Variants in PBX1 observed in about 807,000 individuals in gnomAD.
PBX1 encodes the protein pre-B-cell leukemia transcription factor 1.
PBX1 carries 6 observed loss-of-function variants against 53.4 expected under a neutral mutation model. The observed-to-expected ratio is 0.11, with a 90% CI of 0.06 to 0.22. The LOEUF (loss-of-function observed/expected upper bound fraction) is 0.22. Among genes scored for constraint, PBX1 ranks in the 10% least tolerant of loss-of-function variants. The pLI is 1.00. For synonymous variants in PBX1, 204 were observed against 212.3 expected (o/e 0.96, Z 0.34); for missense variants, 251 against 551.4 (o/e 0.46, Z 5.46).
intron 2 of PBX1, among the ~76,000 whole-genome samples, chr1:164,649,926 G>A (rs1659687069): frequency 6.6e-6 from 1 of 151,908 alleles, no homozygotes; most frequent in Admixed American, 6.6e-5. Flanking sequence ...TGCTTGAGAA[G>A]TCCATGGCCA....
intron 2 of PBX1, among the ~76,000 whole-genome samples, chr1:164,589,064 A>G (rs998202201): frequency 1.3e-5 from 2 of 152,146 alleles, no homozygotes; most frequent in African/African-American, 4.8e-5. Flanking sequence ...AAAGTGGCGC[A>G]GACCTTTTCC....
At chr1:164,710,939 C>A (rs1663730352) in intron 2 of PBX1, among the ~76,000 whole-genome samples, 1 of 152,218 alleles carries the variant, frequency 6.6e-6, no homozygotes, top group African/African-American at 2.4e-5. Context: ...GTTGTTGACC[C>A]CATCTGGCCA....
chr1:164,631,531 A>T (rs1338003616), intron 2 of PBX1, among the ~76,000 whole-genome samples: 6 of 152,210 alleles, frequency 3.9e-5, no homozygotes, highest in Admixed American at 3.3e-4. Context: ...TGACAAGTCC[A>T]CTTACTTAAT....
intron 2 of PBX1, among the ~76,000 whole-genome samples, chr1:164,668,673 G>A (rs969143215): frequency 1.4e-4 from 22 of 152,174 alleles, no homozygotes; most frequent in Admixed American, 1.4e-3. Flanking sequence ...TTCCCCAGGC[G>A]CAGCCAACAC....
At chr1:164,790,205 T>A (rs1460402479) in intron 2 of PBX1, among the ~76,000 whole-genome samples, 1 of 152,174 alleles carries the variant, frequency 6.6e-6, no homozygotes, top group Non-Finnish European at 1.5e-5. Context: ...AATTTGTTCT[T>A]CAGAGTGCTT....
At chr1:164,796,976 G>T (rs1293131568) in intron 3 of PBX1, among the ~76,000 whole-genome samples, 1 of 152,152 alleles carries the variant, frequency 6.6e-6, no homozygotes, top group Non-Finnish European at 1.5e-5. Context: ...GGTATGGGTA[G>T]CTCCTTCCTT....
At chr1:164,786,360 C>T (rs557546198) in intron 2 of PBX1, among the ~76,000 whole-genome samples, 6 of 152,244 alleles carry the variant, frequency 3.9e-5, no homozygotes, top group East Asian at 3.9e-4. Context: ...CTAGGCAGTA[C>T]GTGCCCTGGT....
chr1:164,657,087 G>A (rs974515569), intron 2 of PBX1: 2 of 152,140 alleles, frequency 1.3e-5, no homozygotes. Context: ...CAAAACAATG[G>A]AGTGTATTGG....
At position 164,847,800 on chromosome 1, in the gene PBX1, C is replaced by T; in HGVS notation, c.*1124C>T. 1 of 1,053,752 alleles carries T rather than the reference C, an allele frequency of 9.5e-7. No homozygotes were observed. The highest frequency in any genetic ancestry group is 4.6e-5 in the South Asian group (1 of 21,866). 65.3% of individuals were successfully genotyped at this position (1,053,752 alleles called of 1,614,324 possible). On this transcript the variant is annotated 3_prime_UTR_variant, in exon 9 of 9. Coordinates refer to ENST00000420696, the MANE Select transcript of PBX1 (RefSeq NM_002585.4). ...AGAAGCAGTATGTGTCTGGGGCTTC[C>T]AGGACCTGCAGGCCCACTAGCGTGC...
intron 2 of PBX1, among the ~76,000 whole-genome samples, chr1:164,613,596 A>G (rs1411674181): frequency 2.0e-5 from 3 of 152,174 alleles, no homozygotes; most frequent in Admixed American, 1.3e-4. Context: ...TGATCTGTGT[A>G]TATGTGCACG....
chr1:164,741,043 T>C (rs1051878139), intron 2 of PBX1, among the ~76,000 whole-genome samples: 3 of 152,254 alleles, frequency 2.0e-5, no homozygotes, highest in African/African-American at 7.2e-5. Flanking sequence ...ATAAAGGTTT[T>C]ATTTAGTAAT....
chr1:164,744,540 CT>C (rs1665792705), intron 2 of PBX1, among the ~76,000 whole-genome samples: 1 of 152,172 alleles, frequency 6.6e-6, no homozygotes, highest in African/African-American at 2.4e-5. Context: ...TCTCAGAACT[CT>C]TTAAGACAGA....
intron 2 of PBX1, among the ~76,000 whole-genome samples, chr1:164,668,762 C>T (rs562167312): frequency 6.6e-6 from 1 of 152,218 alleles, no homozygotes; most frequent in African/African-American, 2.4e-5. Flanking sequence ...CACAGCCCCT[C>T]AGCTTGTTAG....
chr1:164,747,771 A>C (rs994597050), intron 2 of PBX1, among the ~76,000 whole-genome samples: 3 of 152,190 alleles, frequency 2.0e-5, no homozygotes, highest in Non-Finnish European at 4.4e-5. Flanking sequence ...AGATACTATG[A>C]TACCAAGGTA....
chr1:164,845,858 G>A (rs950485187), intron 8 of PBX1, among the ~76,000 whole-genome samples: 4 of 152,082 alleles, frequency 2.6e-5, no homozygotes, highest in Non-Finnish European at 5.9e-5. Flanking sequence ...ACCTGAATTA[G>A]CCTCTGTACT....
intron 6 of PBX1, chr1:164,815,111 A>G (rs866785700): frequency 1.3e-5 from 2 of 152,214 alleles, no homozygotes; most frequent in African/African-American, 2.4e-5. Flanking sequence ...CCTGGGGTCT[A>G]TAATTCTTCT....
chr1:164,617,854 G>T (rs1657385941), intron 2 of PBX1, among the ~76,000 whole-genome samples: 1 of 149,254 alleles, frequency 6.7e-6, no homozygotes, highest in Non-Finnish European at 1.5e-5. Flanking sequence ...CTTTCAGCAG[G>T]CTCTATCTTT....
At chr1:164,681,736 T>C (rs115190659) in intron 2 of PBX1, among the ~76,000 whole-genome samples, 1,690 of 152,310 alleles carry the variant, frequency 0.011, 19 homozygotes, top group Non-Finnish European at 0.017. Flanking sequence ...CTATGCTTAT[T>C]ACCTGGTTGA....
chr1:164,600,499 T>G (rs1451559373), intron 2 of PBX1, among the ~76,000 whole-genome samples: 1 of 152,210 alleles, frequency 6.6e-6, no homozygotes, highest in Non-Finnish European at 1.5e-5. Context: ...TCTACCCGCC[T>G]CAGCCTCCCA....
Sources: gnomAD v4.1 joint callset for allele counts (sites outside exome capture counted in the v4.1 genomes callset) on GRCh38, gnomAD v4.1.1 for gene constraint, MANE v1.5 for transcripts, NCBI Gene and HGNC (gene_info 2026-07-23, HGNC 2026-07-21) for gene names.